SIK2: variants seen among roughly 807,000 people sequenced by gnomAD.
The protein encoded by SIK2 is salt inducible kinase 2.
Under a neutral mutation model 103.2 loss-of-function variants are expected in SIK2, and 29 were observed. The observed-to-expected ratio is 0.28, with a 90% confidence interval of 0.21 to 0.38. SIK2 has a LOEUF of 0.38. Ranked by LOEUF, SIK2 falls within the 10% of genes least tolerant of loss-of-function variation. The pLI, the probability that SIK2 is intolerant of heterozygous loss-of-function variation, is 1.00. For missense variants in SIK2, 879 were observed against 1,171.0 expected, an observed-to-expected ratio of 0.75 and a Z score of 3.64; for synonymous variants, 412 against 446.1, an observed-to-expected ratio of 0.92 and a Z score of 0.96.
At chr11:111,621,860 C>G (rs1941890740) in intron 3 of SIK2, among the ~76,000 whole-genome samples, 2 of 151,946 alleles carry the variant, frequency 1.3e-5, no homozygotes. Context: ...CTGCAGTGAG[C>G]CACGACCGCA....
intron 9 of SIK2, among the ~76,000 whole-genome samples, chr11:111,717,904 A>AC (rs887551937): frequency 7.2e-5 from 11 of 152,080 alleles, no homozygotes; most frequent in Non-Finnish European, 1.6e-4. Context: ...AACAACACAC[A>AC]CTGGGGCCTG....
intron 9 of SIK2, among the ~76,000 whole-genome samples, chr11:111,717,358 A>T (rs970264390): frequency 2.8e-5 from 4 of 142,590 alleles, no homozygotes; most frequent in African/African-American, 1.0e-4. Flanking sequence ...AACATGACTG[A>T]TCATTAGAGA....
Position 111,617,075 on chromosome 11 carries a change from C to T in SIK2, c.252+716C>T, listed in dbSNP as rs572490844. Among the ~76,000 whole-genome samples the T allele has an allele frequency of 1.2e-4, 18 of 152,124 alleles. No individual in the cohort carries two copies. The South Asian group carries it at 3.5e-3, about 30-fold the overall frequency. On this transcript the variant is annotated intron_variant, in intron 2 of 14. Transcript: ENST00000304987. Reference sequence around the variant, plus strand: ...AATAAATTTGCTTTTTTTAAAAAATCAACTTTGTTATAATAATTTTTGTAA... The same window carrying T: ...AATAAATTTGCTTTTTTTAAAAAATTAACTTTGTTATAATAATTTTTGTAA...
chr11:111,726,799 T>C lies in SIK2; in HGVS notation c.*2670T>C. On this transcript the variant is annotated 3_prime_UTR_variant, in exon 15 of 15. Coordinates refer to ENST00000304987, the MANE Select transcript of SIK2 (RefSeq NM_015191.3). ...GACTTGCTTTCCAGTCTGATTCACG[T>C]TAGCAGTGTGTACACTACTGTATCA... 1 of 629,316 alleles carries C rather than the reference T, an allele frequency of 1.6e-6. No homozygotes were observed. The highest frequency in any genetic ancestry group is 2.8e-6 in the Non-Finnish European group (1 of 352,966). 39.0% of individuals were successfully genotyped at this position (629,316 alleles called of 1,614,324 possible). A position where few individuals can be genotyped will look rare whatever the true frequency, so the allele number is the denominator to read the frequency against.
chr11:111,683,412 A>G (rs1942803087), intron 3 of SIK2: 1 of 152,016 alleles, frequency 6.6e-6, no homozygotes, highest in South Asian at 2.1e-4. Flanking sequence ...TGTTCTGTAA[A>G]TAAGGTTTTT....
intron 3 of SIK2, among the ~76,000 whole-genome samples, chr11:111,634,998 G>A (rs2135851593): frequency 6.6e-6 from 1 of 152,262 alleles, no homozygotes; most frequent in African/African-American, 2.4e-5. Flanking sequence ...CTTTCCTTTT[G>A]AATTTTTATT....
In SIK2 at chr11:111,701,063, G is replaced by A; in HGVS notation, c.603+53G>A. 6.3e-7 allele frequency: 1 copy of A among 1,581,668 alleles called. No individual in the cohort carries two copies. Among genetic ancestry groups the A allele is most frequent in the African/African-American group, 1.4e-5 (1 of 73,956 alleles). On this transcript the variant is annotated intron_variant, in intron 5 of 14. Transcript: ENST00000304987. This position sits in a 1 kb window ranked among gnomAD's most constrained non-coding sequence, Gnocchi z 4.2. ...AATGCATCTATACTGATAATACTTG[G>A]TGTTCTGGCCCATCTTAGAAGCTCC...
intron 3 of SIK2, among the ~76,000 whole-genome samples, chr11:111,664,304 G>A (rs934525362): frequency 3.3e-5 from 5 of 152,164 alleles, no homozygotes; most frequent in African/African-American, 4.8e-5. Context: ...TGGGCAGACT[G>A]GAGTGTGGGA....
rs112087536 is a variant in SIK2 at position 111,666,212 on chromosome 11, C to T, written c.317-21789C>T. Among the ~76,000 whole-genome samples, 1,052 of 152,206 alleles carry T rather than the reference C, an allele frequency of 6.9e-3. 10 individuals are homozygous for T. Among genetic ancestry groups the T allele is most frequent in the African/African-American group, 0.024 (976 of 41,516 alleles). On this transcript the variant is annotated intron_variant, in intron 3 of 14. Transcript: ENST00000304987. ...AGAGGCATGAAATCAGCATAGTTAC[C>T]GTAGGGTTTCTGTTAAATTTTGATG...
intron 3 of SIK2, among the ~76,000 whole-genome samples, chr11:111,676,864 A>G (rs942774481): frequency 1.3e-5 from 2 of 152,238 alleles, no homozygotes; most frequent in African/African-American, 4.8e-5. Flanking sequence ...GCATATCAAT[A>G]TAGCTATCTG....
intron 3 of SIK2, among the ~76,000 whole-genome samples, chr11:111,663,491 A>G (rs1942494890): frequency 6.6e-6 from 1 of 152,146 alleles, no homozygotes; most frequent in African/African-American, 2.4e-5. Flanking sequence ...TTGAGATCAC[A>G]TGGGGTCTAA....
Position 111,705,615 on chromosome 11 carries a change from CA to C in SIK2, c.1101+477del, listed in dbSNP as rs913877294. Among the ~76,000 whole-genome samples the C allele has an allele frequency of 1.3e-5, 2 of 152,204 alleles. No individual in the cohort carries two copies. The highest frequency in any genetic ancestry group is 2.1e-4 in the South Asian group (1 of 4,806). On this transcript the variant is annotated intron_variant, in intron 8 of 14. Transcript: ENST00000304987. This position sits in a 1 kb window ranked among gnomAD's most constrained non-coding sequence, Gnocchi z 4.3. Reference sequence around the variant, plus strand: ...CAGGGGAGAGAGGGGCACATCTGAACAGGGGGAATGGCATGTAAGACACATC... The same window carrying C: ...CAGGGGAGAGAGGGGCACATCTGAACGGGGGAATGGCATGTAAGACACATC...
chr11:111,701,070 G>A lies in SIK2; in HGVS notation c.603+60G>A. The A allele has an allele frequency of 6.4e-7, 1 of 1,569,232 alleles. No individual in the cohort carries two copies. The highest frequency in any genetic ancestry group is 2.3e-5 in the East Asian group (1 of 44,086). ...CTATACTGATAATACTTGGTGTTCT[G>A]GCCCATCTTAGAAGCTCCTGGTACT... On this transcript the variant is annotated intron_variant, in intron 5 of 14. Transcript: ENST00000304987. The surrounding 1 kb of genome is among the most constrained non-coding windows in gnomAD (Gnocchi z 4.2).
intron 3 of SIK2, among the ~76,000 whole-genome samples, chr11:111,670,269 A>G (rs1249600671): frequency 1.3e-5 from 2 of 152,206 alleles, no homozygotes. Context: ...ACTCTGTCCC[A>G]TTCATGGCAC....
rs188272801 is a variant in SIK2, at chr11:111,636,012, T to A, written c.316+15610T>A. On this transcript the variant is annotated intron_variant, in intron 3 of 14. Transcript: ENST00000304987. ...AGTTTTCTGTTTCTTTCAGGATGAATTTCTATTAAGTGAATCATTGTATTA... is the reference window on the plus strand; with the variant it reads ...AGTTTTCTGTTTCTTTCAGGATGAAATTCTATTAAGTGAATCATTGTATTA... Among the ~76,000 whole-genome samples, 26 of 152,372 alleles carry A rather than the reference T, an allele frequency of 1.7e-4. No individual in the cohort carries two copies. The East Asian group carries it at 5.0e-3, about 29-fold the overall frequency.
At chr11:111,710,763 C>T (rs1943472132) in intron 8 of SIK2, among the ~76,000 whole-genome samples, 1 of 152,208 alleles carries the variant, frequency 6.6e-6, no homozygotes, top group African/African-American at 2.4e-5. Context: ...GTTAGGAAAC[C>T]TGATTAAGGT....
At chr11:111,704,916 T>G (rs566748867) in intron 7 of SIK2, 71 bp from the exon 8 acceptor site, 46 of 1,476,630 alleles carry the variant, frequency 3.1e-5, no homozygotes, top group Non-Finnish European at 4.0e-5. Context: ...TCCTCTTTTT[T>G]TTTAGGCATG....
rs138243363 is a variant in SIK2 at position 111,722,637 on chromosome 11, C to A, written c.2056-28C>A. 938 of 1,604,366 alleles carry A rather than the reference C, an allele frequency of 5.8e-4. 2 individuals are homozygous for A. The highest frequency in any genetic ancestry group is 7.0e-4 in the Non-Finnish European group (819 of 1,173,240). ...CATCCTAGGTGACAGCACATTGTCACGCTCATGTTGTTTTTCTGCTCTTCC... is the reference window on the plus strand; with the variant it reads ...CATCCTAGGTGACAGCACATTGTCAAGCTCATGTTGTTTTTCTGCTCTTCC... On this transcript the variant is annotated intron_variant, in intron 13 of 14. Coordinates refer to ENST00000304987, the MANE Select transcript of SIK2 (RefSeq NM_015191.3). The surrounding 1 kb of genome is among the most constrained non-coding windows in gnomAD (Gnocchi z 4.4).
chr11:111,665,824 C>A (rs1942531871), intron 3 of SIK2, among the ~76,000 whole-genome samples: 1 of 145,448 alleles, frequency 6.9e-6, no homozygotes, highest in Non-Finnish European at 1.5e-5. Context: ...AAAACTCCAT[C>A]TCAAAAAAAG....
Sources: allele counts gnomAD v4.1 joint callset (sites outside exome capture counted in the v4.1 genomes callset), GRCh38; gene constraint gnomAD v4.1.1; non-coding constraint Gnocchi (gnomAD v3.1); transcripts MANE v1.5; gene names NCBI Gene and HGNC (gene_info 2026-07-23, HGNC 2026-07-21).